ZMPSTE24: variants seen among roughly 807,000 people sequenced by gnomAD.
ZMPSTE24 encodes the protein CAAX prenyl protease 1 homolog.
ZMPSTE24 carries 48 observed loss-of-function variants against 56.7 expected under a neutral mutation model. The observed-to-expected ratio is 0.85, with a 90% CI of 0.67 to 1.08. ZMPSTE24 has a LOEUF of 1.08. Ranked by LOEUF, ZMPSTE24 falls within the 50% of genes least tolerant of loss-of-function variation. The pLI, the probability that ZMPSTE24 is intolerant of heterozygous loss-of-function variation, is 0.00. For missense variants in ZMPSTE24, 503 were observed against 548.7 expected, an observed-to-expected ratio of 0.92 and a Z score of 0.83; for synonymous variants, 172 against 195.2, an observed-to-expected ratio of 0.88 and a Z score of 0.99.
rs1643860090 is a variant in ZMPSTE24 at position 40,293,117 on chromosome 1, T to G, written c.*448T>G. 1 of 161,552 alleles carries G rather than the reference T, an allele frequency of 6.2e-6. No homozygotes were observed. Among genetic ancestry groups the G allele is most frequent in the Admixed American group, 6.2e-5 (1 of 16,070 alleles). The allele number at this position is 161,552 out of a possible 1,614,324, so 10.0% of individuals were successfully genotyped here. A position where few individuals can be genotyped will look rare whatever the true frequency, so the allele number is the denominator to read the frequency against. On this transcript the variant is annotated 3_prime_UTR_variant, in exon 10 of 10. Transcript: ENST00000372759. ...TGGTCTTACTTTCATGCTGTTATGATTTCACCTGGTGAATCAGTGTTTTAA... is the reference window on the plus strand; with the variant it reads ...TGGTCTTACTTTCATGCTGTTATGAGTTCACCTGGTGAATCAGTGTTTTAA...
At chr1:40,273,959 T>C (rs1023520745) in intron 6 of ZMPSTE24, among the ~76,000 whole-genome samples, 4 of 152,072 alleles carry the variant, frequency 2.6e-5, no homozygotes, top group African/African-American at 9.7e-5. Context: ...TCATTTTAGA[T>C]AAAATAGTCA....
At chr1:40,284,413 A>G (rs1420655509) in intron 7 of ZMPSTE24, among the ~76,000 whole-genome samples, 1 of 151,982 alleles carries the variant, frequency 6.6e-6, no homozygotes, top group African/African-American at 2.4e-5. Context: ...TTAACAGCTT[A>G]CCTCATATAT....
At chr1:40,286,998 C>T (rs1228469641) in intron 8 of ZMPSTE24, among the ~76,000 whole-genome samples, 1 of 152,080 alleles carries the variant, frequency 6.6e-6, no homozygotes, top group Non-Finnish European at 1.5e-5. Context: ...TCCCAAATTG[C>T]TGGGATTACA....
intron 2 of ZMPSTE24, among the ~76,000 whole-genome samples, chr1:40,265,433 G>T (rs944000201): frequency 4.6e-5 from 7 of 152,102 alleles, no homozygotes; most frequent in African/African-American, 1.7e-4. Flanking sequence ...CAATTTATTG[G>T]GGCTGAGTGC....
chr1:40,292,563 A>G lies in ZMPSTE24; in HGVS notation c.1322A>G (p.Asp441Gly), dbSNP rs745466279. The G allele has an allele frequency of 6.2e-7, 1 of 1,614,142 alleles. No individual in the cohort carries two copies. Among genetic ancestry groups the G allele is most frequent in the Non-Finnish European group, 8.5e-7 (1 of 1,180,006 alleles). ...TCTGCTTTAATCAAACTTAACAAAG[A>G]TAACTTGGGATTCCCTGTTTCTGAC... ...LYSALIKLNKDNLGFPVSDWL... is the reference protein window; with the variant it reads ...LYSALIKLNKGNLGFPVSDWL... The change falls in exon 10 of 10, where the codon GAT becomes GGT. Residue 441 changes from aspartate (D) to glycine (G), a missense_variant. Asp to Gly is a moderately conservative substitution (Grantham distance 94). Transcript: ENST00000372759.
intron 6 of ZMPSTE24, among the ~76,000 whole-genome samples, chr1:40,279,455 C>A (rs945190391): frequency 1.3e-5 from 2 of 152,108 alleles, no homozygotes; most frequent in Non-Finnish European, 2.9e-5. Context: ...TTTTTGCCAA[C>A]AAGAAATACG....
Position 40,290,950 on chromosome 1 carries a change from A to T in ZMPSTE24, c.1156A>T (p.Ile386Phe). The T allele has an allele frequency of 6.2e-7, 1 of 1,614,030 alleles. No individual in the cohort carries two copies. Among genetic ancestry groups the T allele is most frequent in the Non-Finnish European group, 8.5e-7 (1 of 1,179,994 alleles). Residue 386 changes from isoleucine to phenylalanine, a missense_variant, in exon 9 of 10, where the codon ATT becomes TTT. Ile to Phe is a conservative substitution (Grantham distance 21). Transcript: ENST00000372759. ...FGFYDSQPTL[I>F]GLLIIFQFIF... is the part of the protein sequence containing the mutation. ...TTTTTATGATAGCCAACCCACTCTT[A>T]TTGGACTATTGATCATCTTCCAGTT...
chr1:40,259,238 A>C (rs1313355111), intron 1 of ZMPSTE24: 1 of 152,222 alleles, frequency 6.6e-6, no homozygotes, highest in Non-Finnish European at 1.5e-5. Context: ...TTTAAATATT[A>C]AAATGGTAAA....
intron 2 of ZMPSTE24, among the ~76,000 whole-genome samples, chr1:40,266,852 C>T (rs1643554484): frequency 2.0e-5 from 3 of 148,558 alleles, no homozygotes; most frequent in Admixed American, 6.8e-5. Context: ...ACTGCAGCCT[C>T]GACATCCCAG....
At chr1:40,262,731 T>G in intron 2 of ZMPSTE24, 1 of 796,612 alleles carries the variant, frequency 1.3e-6, no homozygotes, top group Non-Finnish European at 1.6e-6. Flanking sequence ...ATGTTTTCCC[T>G]CCATTGCTTG....
At chr1:40,266,772 T>TG (rs1159406523) in intron 2 of ZMPSTE24, among the ~76,000 whole-genome samples, 1 of 142,732 alleles carries the variant, frequency 7.0e-6, no homozygotes, top group African/African-American at 2.6e-5. Flanking sequence ...TTTTTTTTTT[T>TG]TTTTTTTTTT....
chr1:40,268,834 T>C (rs568069432), intron 4 of ZMPSTE24, among the ~76,000 whole-genome samples: 1 of 151,894 alleles, frequency 6.6e-6, no homozygotes, highest in South Asian at 2.1e-4. Flanking sequence ...TCCCAGCACT[T>C]TGGGAGGCTG....
chr1:40,281,249 A>T, intron 6 of ZMPSTE24, 94 bp from the exon 7 acceptor site: 1 of 1,184,502 alleles, frequency 8.4e-7, no homozygotes, highest in Non-Finnish European at 1.3e-6. Context: ...TGAAAATGTT[A>T]ATGTCCTTTC....
intron 1 of ZMPSTE24, chr1:40,259,269 A>G (rs1054132276): frequency 2.0e-5 from 3 of 152,144 alleles, no homozygotes; most frequent in Non-Finnish European, 2.9e-5. Context: ...AAAGTTAACA[A>G]TTTACCTGAG....
rs1256986321 is a variant in ZMPSTE24, at chr1:40,293,940, C to T, written c.*1271C>T. 2.0e-5 allele frequency: 3 copies of T among 152,512 alleles called. No homozygotes were observed. Among genetic ancestry groups the T allele is most frequent in the Non-Finnish European group, 4.4e-5 (3 of 68,022 alleles). The allele number at this position is 152,512 out of a possible 1,614,324, so 9.4% of individuals were successfully genotyped here. On this transcript the variant is annotated 3_prime_UTR_variant, in exon 10 of 10. Coordinates refer to ENST00000372759, the MANE Select transcript of ZMPSTE24 (RefSeq NM_005857.5). ...CGCCTTTGGTATCTGACCATAAAGT[C>T]TTTTGCTCCGCTGACATTTGGGTGA... is the stretch of plus-strand genomic sequence containing the variant.
chr1:40,260,939 G>A lies in ZMPSTE24; in HGVS notation c.224G>A (p.Ser75Asn), dbSNP rs1190467902. ...TCTCGACTCTATCAACTGGATAAAAGCACTTTCAGCTTCTGGTCAGGACTC... is the reference window on the plus strand; with the variant it reads ...TCTCGACTCTATCAACTGGATAAAAACACTTTCAGCTTCTGGTCAGGACTC... ...EKSRLYQLDK[S>N]TFSFWSGLYS... Residue 75 changes from serine to asparagine, a missense_variant, in exon 2 of 10, where the codon AGC becomes AAC. Physicochemically the swap from Ser to Asn is conservative, Grantham distance 46. Coordinates refer to ENST00000372759, the MANE Select transcript of ZMPSTE24 (RefSeq NM_005857.5). 6 of 1,614,150 alleles carry A rather than the reference G, an allele frequency of 3.7e-6. No homozygotes were observed. Among genetic ancestry groups the A allele is most frequent in the Non-Finnish European group, 4.2e-6 (5 of 1,180,028 alleles).
chr1:40,291,673 G>A (rs1312881038), intron 9 of ZMPSTE24, among the ~76,000 whole-genome samples: 1 of 152,052 alleles, frequency 6.6e-6, no homozygotes, highest in African/African-American at 2.4e-5. Context: ...TCTTTCTTGG[G>A]ATAGATTGTA....
chr1:40,275,608 T>G (rs996428191), intron 6 of ZMPSTE24, among the ~76,000 whole-genome samples: 5 of 151,376 alleles, frequency 3.3e-5, no homozygotes, highest in African/African-American at 1.2e-4. Flanking sequence ...AAAAATTAGC[T>G]GGGCATGGTG....
In ZMPSTE24 at chr1:40,267,772, G is replaced by A. The variant is rs746063976; in HGVS notation, c.271-14G>A. 1 of 1,582,100 alleles carries A rather than the reference G, an allele frequency of 6.3e-7. No homozygotes were observed. Among genetic ancestry groups the A allele is most frequent in the Non-Finnish European group, 8.7e-7 (1 of 1,151,146 alleles). On this transcript the variant is annotated splice_polypyrimidine_tract_variant and intron_variant, in intron 2 of 9. Coordinates refer to ENST00000372759, the MANE Select transcript of ZMPSTE24 (RefSeq NM_005857.5). ...TACTGTTCAACTGTGATCAAAGTAT[G>A]CTTTGTTTTATAGCTTATTCTTCTC... is the stretch of plus-strand genomic sequence containing the variant.
Sources: gnomAD v4.1 joint callset for allele counts (sites outside exome capture counted in the v4.1 genomes callset) on GRCh38, gnomAD v4.1.1 for gene constraint, MANE v1.5 for transcripts, NCBI Gene and HGNC (gene_info 2026-07-23, HGNC 2026-07-21) for gene names.